The following RNF212 variants were observed in gnomAD, a reference collection of about 807,000 sequenced individuals.
The protein encoded by RNF212 is probable E3 SUMO-protein ligase RNF212.
A neutral mutation model predicts 34.7 loss-of-function variants in RNF212; 33 were observed. The observed-to-expected ratio is 0.95, with a 90% CI of 0.72 to 1.27. The LOEUF is 1.27. Among genes scored for constraint, RNF212 ranks in the 50% most tolerant of loss-of-function variants. The probability of loss-of-function intolerance (pLI) is 0.00; values close to 1 mark genes in which losing one functional copy is unlikely to be tolerated. For missense variants in RNF212, 377 were observed against 362.2 expected, an observed-to-expected ratio of 1.04 and a Z score of -0.33; for synonymous variants, 140 against 136.1, an observed-to-expected ratio of 1.03 and a Z score of -0.20.
intron 3 of RNF212, 75 bp downstream of exon 3, chr4:1,096,690 C>T (rs1362796124): frequency 2.2e-6 from 2 of 930,146 alleles, no homozygotes; most frequent in Admixed American, 1.8e-5. Flanking sequence ...ACCAAGCACA[C>T]CCCTCATAGC....
intron 8 of RNF212, among the ~76,000 whole-genome samples, chr4:1,074,015 G>A (rs925703935): frequency 1.3e-5 from 2 of 152,198 alleles, no homozygotes; most frequent in African/African-American, 4.8e-5. Context: ...ATTCTTGGGT[G>A]CATAATTTTG....
intron 4 of RNF212, chr4:1,056,549 G>A: frequency 1.1e-6 from 1 of 931,792 alleles, no homozygotes; most frequent in Non-Finnish European, 1.3e-6. Flanking sequence ...AAAAAATAAG[G>A]TGGGGAGAAG....
At position 1,072,890 on chromosome 4, in the gene RNF212, C is replaced by G. The variant is rs1334511075; in HGVS notation, c.878G>C (p.Arg293Thr). The G allele has an allele frequency of 6.2e-7, 1 of 1,605,072 alleles. No homozygotes were observed. Among genetic ancestry groups the G allele is most frequent in the Admixed American group, 1.7e-5 (1 of 58,228 alleles). ...SVVFPLCQFERKKSF is the reference protein window; with the variant it reads ...SVVFPLCQFETKKSF ...AAATGCAAATCAAAATGACTTTTTCCTTTCAAATTGGCAAAGAGGAAACAC... is the reference window on the plus strand; with the variant it reads ...AAATGCAAATCAAAATGACTTTTTCGTTTCAAATTGGCAAAGAGGAAACAC... The change falls in exon 10 of 10, where the codon AGG becomes ACG. Residue 293 changes from arginine (R) to threonine (T), a missense_variant. Coordinates refer to ENST00000433731, the MANE Select transcript of RNF212 (RefSeq NM_001131034.4).
At chr4:1,065,812 C>G (rs973404330) in intron 3 of RNF212, among the ~76,000 whole-genome samples, 2 of 147,094 alleles carry the variant, frequency 1.4e-5, no homozygotes, top group Admixed American at 1.4e-4. Context: ...TCTTGAAGTC[C>G]TGACCTCAAG....
chr4:1,097,457 T>C (rs1302971057), intron 2 of RNF212, among the ~76,000 whole-genome samples: 3 of 151,838 alleles, frequency 2.0e-5, no homozygotes, highest in Non-Finnish European at 4.4e-5. Flanking sequence ...ATAAAAAAAT[T>C]AGCCGGGCGT....
intron 3 of RNF212, among the ~76,000 whole-genome samples, chr4:1,062,246 A>C (rs1351204033): frequency 6.6e-6 from 1 of 152,186 alleles, no homozygotes; most frequent in Non-Finnish European, 1.5e-5. Context: ...AAATACCAGC[A>C]AACAAAATCC....
In RNF212 at chr4:1,062,311, T is replaced by C. The variant is rs1400438344; in HGVS notation, n.148-3918A>G. Among the ~76,000 whole-genome samples the C allele has an allele frequency of 4.6e-5, 7 of 152,334 alleles. No homozygotes were observed. In the South Asian group the frequency reaches 8.3e-4, roughly 18 times the overall value. On this transcript the variant is annotated intron_variant and non_coding_transcript_variant, in intron 3 of 4. Transcript: ENST00000503206. ...GACCAACCGGGATTCATCTCAGGAA[T>C]GCACAGTTCCTTCAACATACAGAAA...
chr4:1,081,431 G>A lies in RNF212; in HGVS notation c.452C>T (p.Ser151Leu). The A allele has an allele frequency of 6.2e-7, 1 of 1,613,820 alleles. No homozygotes were observed. Among genetic ancestry groups the A allele is most frequent in the Non-Finnish European group, 8.5e-7 (1 of 1,179,792 alleles). ...GCAACCCACACACCTGTCGGGGGCT[G>A]ATGAGTGAGGTGGCAGCAGGCATCC... Reference protein sequence around the residue: ...PHGCLLPPHSSAPDRLESMEV... With the variant: ...PHGCLLPPHSLAPDRLESMEV... The change falls in exon 7 of 10, where the codon TCA becomes TTA. Residue 151 changes from serine to leucine, a missense_variant. Coordinates refer to ENST00000433731, the MANE Select transcript of RNF212 (RefSeq NM_001131034.4).
At chr4:1,098,712 G>A (rs1366831705) in intron 2 of RNF212, among the ~76,000 whole-genome samples, 2 of 152,022 alleles carry the variant, frequency 1.3e-5, no homozygotes, top group African/African-American at 4.8e-5. Flanking sequence ...ACCATGCCTC[G>A]GTCTCCCTAC....
At chr4:1,067,567 A>T (rs1285248564), downstream of RNF212, among the ~76,000 whole-genome samples, 2 of 152,222 alleles carry the variant, frequency 1.3e-5, no homozygotes, top group Non-Finnish European at 2.9e-5. Flanking sequence ...ACCGTAAAAA[A>T]TAATGAAATA....
intron 4 of RNF212, chr4:1,058,305 TGCGGGGG>T (rs1717484895): frequency 1.1e-6 from 1 of 894,602 alleles, no homozygotes; most frequent in Non-Finnish European, 1.3e-6. Context: ...AGAAGGTGCT[TGCGGGGG>T]GGCACTACCT....
chr4:1,058,284 G>C (rs1651232136), intron 4 of RNF212: 1 of 674,794 alleles, frequency 1.5e-6, no homozygotes, highest in African/African-American at 2.2e-5. Flanking sequence ...GCGGGGGTTA[G>C]AACGCAGTGA....
rs896066693 is a variant in RNF212 at position 1,072,637 on chromosome 4, A to C, written c.*237T>G. 4 of 1,111,698 alleles carry C rather than the reference A, an allele frequency of 3.6e-6. No individual in the cohort carries two copies. The highest frequency in any genetic ancestry group is 4.5e-6 in the Non-Finnish European group (4 of 885,388). The allele number at this position is 1,111,698 out of a possible 1,614,324, so 68.9% of individuals were successfully genotyped here. On this transcript the variant is annotated 3_prime_UTR_variant, in exon 10 of 10. Coordinates refer to ENST00000433731, the MANE Select transcript of RNF212 (RefSeq NM_001131034.4). ...TATGTGAAAAAAAAACTCCCTAAGC[A>C]TGAGAACCTATAAAATAAAAGGGAT...
chr4:1,063,567 GGT>G (rs1367229663), intron 3 of RNF212, among the ~76,000 whole-genome samples: 22 of 152,102 alleles, frequency 1.4e-4, no homozygotes, highest in Middle Eastern at 3.4e-3. Flanking sequence ...CAGGTGTGGT[GGT>G]GCGCACCTGT....
chr4:1,069,131 A>T (rs185214597), downstream of RNF212, among the ~76,000 whole-genome samples: 23 of 152,216 alleles, frequency 1.5e-4, no homozygotes, highest in East Asian at 4.4e-3. Flanking sequence ...GAATCGCTTG[A>T]ACCTGGGAGG....
intron 2 of RNF212, 102 bp from the exon 3 acceptor site, chr4:1,096,941 C>T: frequency 1.2e-6 from 1 of 863,586 alleles, no homozygotes; most frequent in Non-Finnish European, 1.9e-6. Context: ...CTATAGATGA[C>T]TCAAGTGGCC....
At chr4:1,056,692 G>T in intron 4 of RNF212, 2 of 477,788 alleles carry the variant, frequency 4.2e-6, no homozygotes, top group Non-Finnish European at 5.5e-6. Flanking sequence ...CTGCGTTTCT[G>T]AACAACTAAG....
intron 5 of RNF212, among the ~76,000 whole-genome samples, chr4:1,082,567 G>T (rs1218796496): frequency 6.6e-6 from 1 of 152,194 alleles, no homozygotes; most frequent in Non-Finnish European, 1.5e-5. Flanking sequence ...AACCACTGGG[G>T]CCTCCGCTCT....
intron 3 of RNF212, among the ~76,000 whole-genome samples, chr4:1,092,677 A>C (rs920718743): frequency 6.6e-6 from 1 of 152,208 alleles, no homozygotes; most frequent in African/African-American, 2.4e-5. Context: ...CAATGAAATC[A>C]TTGCAAAACT....
Sources: gnomAD v4.1 joint callset for allele counts (sites outside exome capture counted in the v4.1 genomes callset) on GRCh38, gnomAD v4.1.1 for gene constraint, MANE v1.5 for transcripts, NCBI Gene and HGNC (gene_info 2026-07-23, HGNC 2026-07-21) for gene names.